Variants in CTBS observed in about 807,000 individuals in gnomAD.
CTBS encodes di-N-acetylchitobiase.
Under a neutral mutation model 44.3 loss-of-function variants are expected in CTBS, and 35 were observed. The ratio of observed to expected loss-of-function variants is 0.79; its 90% CI spans 0.60 to 1.05. The LOEUF (loss-of-function observed/expected upper bound fraction) is 1.05, where lower values mean the gene tolerates loss of function less well. Among genes scored for constraint, CTBS ranks in the 50% least tolerant of loss-of-function variants. CTBS has a pLI of 0.00. For missense variants in CTBS, 458 were observed against 475.3 expected, an observed-to-expected ratio of 0.96 and a Z score of 0.34; for synonymous variants, 143 against 168.0, an observed-to-expected ratio of 0.85 and a Z score of 1.15.
rs1684254080 is a variant in CTBS at position 84,550,999 on chromosome 1, G to A, written c.*4000C>T. The stretch of plus-strand genomic sequence containing the variant: ...GATGTTAAGTTTCCTTCCTGGCAGA[G>A]ACTATGCCTTAGTTAACTTTGTTTC... On this transcript the variant is annotated 3_prime_UTR_variant, in exon 7 of 7. Coordinates refer to ENST00000370630, the MANE Select transcript of CTBS (RefSeq NM_004388.3). 1 of 984,802 alleles carries A rather than the reference G, an allele frequency of 1.0e-6. No homozygotes were observed. Among genetic ancestry groups the A allele is most frequent in the Non-Finnish European group, 1.2e-6 (1 of 829,456 alleles). The allele number at this position is 984,802 out of a possible 1,614,324, so 61.0% of individuals were successfully genotyped here.
chr1:84,553,179 G>A lies in CTBS; in HGVS notation c.*1820C>T. 2.0e-6 allele frequency: 2 copies of A among 1,025,612 alleles called. No homozygotes were observed. Among genetic ancestry groups the A allele is most frequent in the Non-Finnish European group, 2.8e-6 (2 of 716,928 alleles). The allele number at this position is 1,025,612 out of a possible 1,614,324, so 63.5% of individuals were successfully genotyped here. A position where few individuals can be genotyped will look rare whatever the true frequency, so the allele number is the denominator to read the frequency against. On this transcript the variant is annotated 3_prime_UTR_variant, in exon 7 of 7. Coordinates refer to ENST00000370630, the MANE Select transcript of CTBS (RefSeq NM_004388.3). ...AAAAATTTAAATATGTATTTGAACA[G>A]ATTTGTTTAACCATTATTCTCCTTG...
rs189799069 is a variant in CTBS, at chr1:84,570,196, G to T, written c.317-57C>A. ...TATGCAAAAACATTTCATTATTTTG[G>T]AAGACTAAGCCCTTAACTGAAGTTT... On this transcript the variant is annotated intron_variant, in intron 2 of 6. Transcript: ENST00000370630. 53 of 1,458,998 alleles carry T rather than the reference G, an allele frequency of 3.6e-5. No homozygotes were observed. In the Admixed American group the frequency reaches 7.9e-4, roughly 22 times the overall value. The allele number at this position is 1,458,998 out of a possible 1,614,324, so 90.4% of individuals were successfully genotyped here. A position where few individuals can be genotyped will look rare whatever the true frequency, so the allele number is the denominator to read the frequency against.
In CTBS at chr1:84,552,870, T is replaced by C. The variant is rs1301667452; in HGVS notation, c.*2129A>G. The C allele has an allele frequency of 1.8e-6, 1 of 553,024 alleles. No homozygotes were observed. The highest frequency in any genetic ancestry group is 3.2e-5 in the East Asian group (1 of 31,242). 34.3% of individuals were successfully genotyped at this position (553,024 alleles called of 1,614,324 possible). On this transcript the variant is annotated 3_prime_UTR_variant, in exon 7 of 7. Transcript: ENST00000370630. Reference sequence around the variant, plus strand: ...AAGCATGCTTATTAAACAGCATTCATAATCTACACATTTACTGTAGTAATC... The same window carrying C: ...AAGCATGCTTATTAAACAGCATTCACAATCTACACATTTACTGTAGTAATC...
intron 4 of CTBS, among the ~76,000 whole-genome samples, chr1:84,564,277 A>C (rs529540273): frequency 9.2e-5 from 14 of 152,330 alleles, no homozygotes; most frequent in Admixed American, 8.5e-4. Context: ...ATATTCTGTA[A>C]GTAAGCTGGG....
chr1:84,572,497 T>C (rs940164372), intron 1 of CTBS, among the ~76,000 whole-genome samples: 1 of 150,704 alleles, frequency 6.6e-6, no homozygotes, highest in Admixed American at 6.6e-5. Flanking sequence ...CCATGTAGTC[T>C]AGTTTTTGTG....
intron 6 of CTBS, 57 bp downstream of exon 6, chr1:84,563,200 T>A: frequency 8.4e-7 from 1 of 1,188,618 alleles, no homozygotes; most frequent in Non-Finnish European, 1.1e-6. Context: ...CATCTAATTA[T>A]GAAAATAATT....
At chr1:84,566,579 T>TA (rs1488025321) in intron 3 of CTBS, among the ~76,000 whole-genome samples, 3 of 152,192 alleles carry the variant, frequency 2.0e-5, no homozygotes, top group African/African-American at 7.2e-5. Flanking sequence ...AAATGTTGAA[T>TA]AAATCATTTA....
chr1:84,560,132 AG>A (rs1482174943), intron 6 of CTBS, among the ~76,000 whole-genome samples: 3 of 149,630 alleles, frequency 2.0e-5, no homozygotes, highest in African/African-American at 5.0e-5. Flanking sequence ...AAAGAAAGAA[AG>A]GAAAGAAAGA....
chr1:84,555,103 C>T lies in CTBS; in HGVS notation c.1054G>A (p.Gly352Ser). Residue 352 changes from glycine to serine, a missense_variant, in exon 7 of 7, where the codon GGC becomes AGC. By Grantham distance (56) the Gly-to-Ser change is moderately conservative. Coordinates refer to ENST00000370630, the MANE Select transcript of CTBS (RefSeq NM_004388.3). The part of the protein sequence containing the change: ...YIQNYRLRGI[G>S]MWNANCLDYS... ...TCAAGACAGTTTGCATTCCACATGC[C>T]AATGCCCCGTAAGCGATAGTTTTGT... 1 of 1,613,718 alleles carries T rather than the reference C, an allele frequency of 6.2e-7. No individual in the cohort carries two copies. The highest frequency in any genetic ancestry group is 8.5e-7 in the Non-Finnish European group (1 of 1,179,810).
chr1:84,565,154 G>A (rs1000396000), intron 4 of CTBS, among the ~76,000 whole-genome samples: 5 of 151,932 alleles, frequency 3.3e-5, no homozygotes, highest in African/African-American at 4.8e-5. Context: ...AGCCCTGATC[G>A]TGCCACTGCA....
In CTBS at chr1:84,551,631, A is replaced by G. The variant is rs1464582509; in HGVS notation, c.*3368T>C. Reference sequence around the variant, plus strand: ...CAGTGCAGTTCTAGATTCTTTTTACAAGCAGCATTCTCGAGGCTAAATAAG... The same window carrying G: ...CAGTGCAGTTCTAGATTCTTTTTACGAGCAGCATTCTCGAGGCTAAATAAG... On this transcript the variant is annotated 3_prime_UTR_variant, in exon 7 of 7. Transcript: ENST00000370630. The G allele has an allele frequency of 6.6e-6, 1 of 152,144 alleles. No individual in the cohort carries two copies. Among genetic ancestry groups the G allele is most frequent in the Non-Finnish European group, 1.5e-5 (1 of 68,002 alleles). The allele number at this position is 152,144 out of a possible 1,614,324, so 9.4% of individuals were successfully genotyped here.
intron 1 of CTBS, among the ~76,000 whole-genome samples, chr1:84,571,946 G>A (rs1426937383): frequency 1.3e-5 from 2 of 152,124 alleles, no homozygotes; most frequent in African/African-American, 4.8e-5. Flanking sequence ...CTGAGATTCT[G>A]GAACTGAAAA....
rs553070722 is a variant in CTBS, at chr1:84,557,933, G to T, written c.958-2734C>A. 4.0e-5 allele frequency among the ~76,000 whole-genome samples: 6 copies of T among 151,740 alleles called. No individual in the cohort carries two copies. The South Asian group carries it at 1.3e-3, about 32-fold the overall frequency. On this transcript the variant is annotated intron_variant, in intron 6 of 6. Transcript: ENST00000370630. ...AGTGGCATTAAATGGCCTTCAATGC[G>T]CACCAAAATGTTTCCTGAATTCTGA... is the stretch of plus-strand genomic sequence containing the variant.
At chr1:84,558,139 G>A (rs1323381828) in intron 6 of CTBS, among the ~76,000 whole-genome samples, 1 of 152,112 alleles carries the variant, frequency 6.6e-6, no homozygotes, top group Non-Finnish European at 1.5e-5. Flanking sequence ...AAATTCCTAA[G>A]AGAATGGATT....
At position 84,552,864 on chromosome 1, in the gene CTBS, C is replaced by T. The variant is rs1684319130; in HGVS notation, c.*2135G>A. On this transcript the variant is annotated 3_prime_UTR_variant, in exon 7 of 7. Transcript: ENST00000370630. ...GTAGATAAGCATGCTTATTAAACAG[C>T]ATTCATAATCTACACATTTACTGTA... 1.9e-6 allele frequency: 1 copy of T among 538,898 alleles called. No homozygotes were observed. The highest frequency in any genetic ancestry group is 3.9e-5 in the Admixed American group (1 of 25,896). The allele number at this position is 538,898 out of a possible 1,614,324, so 33.4% of individuals were successfully genotyped here.
At chr1:84,555,788 G>A (rs1230200195) in intron 6 of CTBS, 1 of 152,248 alleles carries the variant, frequency 6.6e-6, no homozygotes, top group Non-Finnish European at 1.5e-5. Context: ...TAATGCTAGG[G>A]CATATATTTG....
intron 4 of CTBS, 187 bp from the exon 5 acceptor site, chr1:84,564,019 T>C (rs560446920): frequency 1.1e-4 from 29 of 268,792 alleles, no homozygotes; most frequent in Non-Finnish European, 1.7e-4. Context: ...TTCTAAACCA[T>C]TTCTCTTTGA....
Position 84,570,613 on chromosome 1 carries a change from A to C in CTBS, c.285T>G (p.Ala95=). The C allele has an allele frequency of 1.2e-6, 2 of 1,613,540 alleles. No individual in the cohort carries two copies. The change falls in exon 2 of 7, where the codon GCT becomes GCG. Residue 95 remains alanine, a synonymous_variant. Transcript: ENST00000370630. Reference sequence around the variant, plus strand: ...GTACTACTCTGGCTCCTTTTGAATGAGCGTAGCACATAAGTTCTGAGTCAT... The same window carrying C: ...GTACTACTCTGGCTCCTTTTGAATGCGCGTAGCACATAAGTTCTGAGTCAT... ...GKYDSELMCY[A]HSKGARVVLK...
At chr1:84,570,285 C>A in intron 2 of CTBS, 146 bp from the exon 3 acceptor site, 1 of 685,104 alleles carries the variant, frequency 1.5e-6, no homozygotes. Flanking sequence ...CCAAAATAAC[C>A]ATTATAAATC....
Sources: gnomAD v4.1 joint callset for allele counts (sites outside exome capture counted in the v4.1 genomes callset) on GRCh38, gnomAD v4.1.1 for gene constraint, MANE v1.5 for transcripts, NCBI Gene and HGNC (gene_info 2026-07-23, HGNC 2026-07-21) for gene names.